The following CCDC88C variants were observed in gnomAD, a reference collection of about 807,000 sequenced individuals.
CCDC88C encodes the protein protein Daple.
CCDC88C carries 131 observed loss-of-function variants against 198.8 expected under a neutral mutation model. That is an observed-to-expected ratio of 0.66 (90% CI 0.57 to 0.76). The LOEUF (loss-of-function observed/expected upper bound fraction) is 0.76, where lower values mean the gene tolerates loss of function less well. Ranked by LOEUF, CCDC88C falls within the 30% of genes least tolerant of loss-of-function variation. CCDC88C has a pLI of 0.00. For missense variants in CCDC88C, 2,553 were observed against 2,631.6 expected (o/e 0.97, Z 0.65); for synonymous variants, 1,166 against 1,114.7 (o/e 1.05, Z -0.92).
At chr14:91,411,498 A>T (rs915676967) in intron 2 of CCDC88C, among the ~76,000 whole-genome samples, 4 of 152,220 alleles carry the variant, frequency 2.6e-5, no homozygotes, top group Non-Finnish European at 5.9e-5. Flanking sequence ...TCAGAACAAC[A>T]ATCATCTTTA....
At chr14:91,304,030 G>A (rs947310009) in intron 19 of CCDC88C, 52 bp from the exon 20 acceptor site, 2 of 1,570,104 alleles carry the variant, frequency 1.3e-6, no homozygotes, top group African/African-American at 2.7e-5. Context: ...TCAGCGAGGA[G>A]GGCTGGGGAG....
chr14:91,340,686 C>T (rs1007382343), intron 6 of CCDC88C, among the ~76,000 whole-genome samples: 14 of 152,012 alleles, frequency 9.2e-5, no homozygotes, highest in Non-Finnish European at 2.9e-5. Context: ...AAGAAAGATA[C>T]CATAGTGCTC....
Position 91,321,213 on chromosome 14 carries a change from G to C in CCDC88C, c.1434C>G (p.Thr478=). 6.2e-7 allele frequency: 1 copy of C among 1,609,838 alleles called. No homozygotes were observed. Among genetic ancestry groups the C allele is most frequent in the South Asian group, 1.1e-5 (1 of 89,984 alleles). ...LEKENQSLQS[T]IQGLRDASLV... ...GGGACGCGTCCCGCAGCCCCTGGAT[G>C]GTGCTCTGGAGGCTCTGATTCTCCT... is the stretch of plus-strand genomic sequence containing the variant. The change falls in exon 13 of 30, where the codon ACC becomes ACG. Residue 478 remains threonine (T), a synonymous_variant. Coordinates refer to ENST00000389857, the MANE Select transcript of CCDC88C (RefSeq NM_001080414.4).
chr14:91,341,324 C>T lies in CCDC88C; in HGVS notation c.483+1056G>A, dbSNP rs553541671. ...CTTCAGGGGCTCAGCCTGGCTGCAC[C>T]ACAGCCACTTGCTGAGCTTTTATTG... On this transcript the variant is annotated intron_variant, in intron 6 of 29. Transcript: ENST00000389857. Among the ~76,000 whole-genome samples the T allele has an allele frequency of 2.6e-4, 40 of 152,294 alleles. 2 individuals are homozygous for T. The South Asian group carries it at 8.3e-3, about 32-fold the overall frequency.
At chr14:91,286,236 C>T (rs989614638) in intron 25 of CCDC88C, among the ~76,000 whole-genome samples, 1 of 152,206 alleles carries the variant, frequency 6.6e-6, no homozygotes, top group African/African-American at 2.4e-5. Context: ...AACAGCTCAG[C>T]TCACACAATC....
rs147182074 is a variant in CCDC88C at position 91,369,880 on chromosome 14, C to T, written c.271-10169G>A. ...GGAGCGCCGGCTCCCCTAACAAGGCCACCCGTGTCTCCGTACCCAGGGACC... is the reference window on the plus strand; with the variant it reads ...GGAGCGCCGGCTCCCCTAACAAGGCTACCCGTGTCTCCGTACCCAGGGACC... On this transcript the variant is annotated intron_variant, in intron 3 of 29. Transcript: ENST00000389857. 1.3e-4 allele frequency among the ~76,000 whole-genome samples: 20 copies of T among 152,288 alleles called. 1 individual carries two copies. In the East Asian group the frequency reaches 3.7e-3, roughly 28 times the overall value.
At chr14:91,385,243 C>T (rs182059376) in intron 3 of CCDC88C, among the ~76,000 whole-genome samples, 5 of 152,294 alleles carry the variant, frequency 3.3e-5, no homozygotes, top group East Asian at 3.9e-4. Flanking sequence ...GCCAGCCCAC[C>T]GCAGCCAGGG....
chr14:91,317,128 A>C (rs1420011558), intron 13 of CCDC88C, among the ~76,000 whole-genome samples: 1 of 152,236 alleles, frequency 6.6e-6, no homozygotes, highest in African/African-American at 2.4e-5. Flanking sequence ...TGACTCAAAG[A>C]ATGAACTCTT....
chr14:91,291,842 G>A (rs1241616150), intron 23 of CCDC88C, among the ~76,000 whole-genome samples: 3 of 152,164 alleles, frequency 2.0e-5, no homozygotes, highest in East Asian at 3.8e-4. Flanking sequence ...AATCTTGGGC[G>A]GGCTCAGGCA....
chr14:91,281,386 A>G, intron 27 of CCDC88C, 71 bp downstream of exon 27: 1 of 1,610,256 alleles, frequency 6.2e-7, no homozygotes, highest in Non-Finnish European at 8.5e-7. Flanking sequence ...ACTCAGCTTA[A>G]AGGAAAGGTA....
chr14:91,341,779 C>T (rs543724102), intron 6 of CCDC88C, among the ~76,000 whole-genome samples: 21 of 152,294 alleles, frequency 1.4e-4, no homozygotes, highest in African/African-American at 4.6e-4. Context: ...GGCAAAGGGC[C>T]GGGAAGGTCA....
intron 3 of CCDC88C, among the ~76,000 whole-genome samples, chr14:91,392,013 A>G (rs1219933602): frequency 1.3e-5 from 2 of 151,902 alleles, no homozygotes; most frequent in Non-Finnish European, 2.9e-5. Flanking sequence ...ATCTGAACAT[A>G]CACTTGGATC....
chr14:91,296,068 C>G (rs1161520429), intron 22 of CCDC88C, among the ~76,000 whole-genome samples: 1 of 152,192 alleles, frequency 6.6e-6, no homozygotes, highest in Non-Finnish European at 1.5e-5. Context: ...AGAAACCCAC[C>G]TCTGCGGCTT....
chr14:91,339,859 C>G lies in CCDC88C; in HGVS notation c.624+25G>C, dbSNP rs1406683390. 6.4e-7 allele frequency: 1 copy of G among 1,564,358 alleles called. No individual in the cohort carries two copies. The highest frequency in any genetic ancestry group is 8.7e-7 in the Non-Finnish European group (1 of 1,154,210). ...GGGCCTAAGCCCCTTCCCAGGCTGA[C>G]CGGGCCACCGACCCGCGGACGCACC... On this transcript the variant is annotated intron_variant, in intron 7 of 29. Coordinates refer to ENST00000389857, the MANE Select transcript of CCDC88C (RefSeq NM_001080414.4). This position sits in a 1 kb window ranked among gnomAD's most constrained non-coding sequence, Gnocchi z 5.8.
intron 22 of CCDC88C, among the ~76,000 whole-genome samples, chr14:91,295,039 T>TG (rs1366098911): frequency 6.6e-6 from 1 of 152,102 alleles, no homozygotes; most frequent in Non-Finnish European, 1.5e-5. Flanking sequence ...TACGCGACTA[T>TG]GAGAAAGGAG....
intron 21 of CCDC88C, 50 bp from the exon 22 acceptor site, chr14:91,297,541 A>G: frequency 6.5e-7 from 1 of 1,536,034 alleles, no homozygotes; most frequent in East Asian, 2.5e-5. Flanking sequence ...CCTGACAAAC[A>G]GGTAACGGCC....
chr14:91,328,893 C>T (rs1289304111), intron 10 of CCDC88C, among the ~76,000 whole-genome samples: 2 of 152,126 alleles, frequency 1.3e-5, no homozygotes, highest in African/African-American at 4.8e-5. Context: ...GCCTCCTGAC[C>T]CCTGAGGAGC....
At chr14:91,293,041 CCACGGCTGACCTTCCTGT>C (rs1596030490) in intron 23 of CCDC88C, among the ~76,000 whole-genome samples, 1 of 151,786 alleles carries the variant, frequency 6.6e-6, no homozygotes, top group East Asian at 1.9e-4. Context: ...TCCTCACCTG[CCACGGCTGACCTTCCTGT>C]CCCCTCACCT....
chr14:91,272,327 G>T lies in CCDC88C; in HGVS notation c.*298C>A. 1.8e-4 allele frequency: 74 copies of T among 420,380 alleles called. No homozygotes were observed. Among genetic ancestry groups the T allele is most frequent in the South Asian group, 2.8e-4 (10 of 36,174 alleles). The allele number at this position is 420,380 out of a possible 1,614,324, so 26.0% of individuals were successfully genotyped here. On this transcript the variant is annotated 3_prime_UTR_variant, in exon 30 of 30. Transcript: ENST00000389857. ...CATACTGGAGTAGTGTCTGCTTTGG[G>T]GGAAGTCAGTTTGTCATTGCATCCT...
Sources: allele counts gnomAD v4.1 joint callset (sites outside exome capture counted in the v4.1 genomes callset), GRCh38; gene constraint gnomAD v4.1.1; non-coding constraint Gnocchi (gnomAD v3.1); transcripts MANE v1.5; gene names NCBI Gene and HGNC (gene_info 2026-07-23, HGNC 2026-07-21).